ADCY3: variants seen among roughly 807,000 people sequenced by gnomAD.
ADCY3 encodes adenylate cyclase 3.
A neutral mutation model predicts 119.4 loss-of-function variants in ADCY3; 70 were observed. That is an observed-to-expected ratio of 0.59 (90% CI 0.48 to 0.72). ADCY3 has a LOEUF of 0.72. Among genes scored for constraint, ADCY3 ranks in the 30% least tolerant of loss-of-function variants. The pLI is 0.00. For synonymous variants in ADCY3, 672 were observed against 621.4 expected, an observed-to-expected ratio of 1.08 and a Z score of -1.21; for missense variants, 1,238 against 1,541.6, an observed-to-expected ratio of 0.80 and a Z score of 3.30.
At chr2:24,840,801 C>T (rs573434236) in intron 6 of ADCY3, among the ~76,000 whole-genome samples, 3 of 152,070 alleles carry the variant, frequency 2.0e-5, no homozygotes, top group Non-Finnish European at 2.9e-5. Context: ...GCACAGAGGC[C>T]GGGGTGGGAT....
At chr2:24,831,050 C>G (rs1669424700) in intron 12 of ADCY3, among the ~76,000 whole-genome samples, 2 of 152,152 alleles carry the variant, frequency 1.3e-5, no homozygotes, top group African/African-American at 4.8e-5. Flanking sequence ...AACAGCACAG[C>G]CTCCAGGTCG....
At chr2:24,916,146 CT>C (rs905001702) in intron 2 of ADCY3, among the ~76,000 whole-genome samples, 1 of 151,926 alleles carries the variant, frequency 6.6e-6, no homozygotes, top group East Asian at 1.9e-4. Flanking sequence ...TGATTTCTAT[CT>C]TTTTTTTTCT....
chr2:24,900,494 G>C (rs1000166352), intron 2 of ADCY3, among the ~76,000 whole-genome samples: 1 of 152,106 alleles, frequency 6.6e-6, no homozygotes, highest in African/African-American at 2.4e-5. Context: ...ATTTCTACCT[G>C]CAGTGTTTGT....
rs544878187 is a variant in ADCY3, at chr2:24,878,191, G to C, written c.676-5472C>G. Among the ~76,000 whole-genome samples the C allele has an allele frequency of 6.6e-6, 1 of 152,190 alleles. No individual in the cohort carries two copies. The highest frequency in any genetic ancestry group is 2.4e-5 in the African/African-American group (1 of 41,512). On this transcript the variant is annotated intron_variant, in intron 2 of 21. Coordinates refer to ENST00000679454, the MANE Select transcript of ADCY3 (RefSeq NM_004036.5). The surrounding 1 kb of genome is among the most constrained non-coding windows in gnomAD (Gnocchi z 4.0). The stretch of plus-strand genomic sequence containing the variant: ...GCATCTCCCAAATGGATAAACACTT[G>C]GACTAAAGTGTCATCTAACCCATGA...
intron 2 of ADCY3, among the ~76,000 whole-genome samples, chr2:24,882,725 T>TA (rs567619432): frequency 3.3e-5 from 5 of 152,240 alleles, no homozygotes; most frequent in African/African-American, 1.2e-4. Context: ...CTGGAGATTA[T>TA]AAAATTACCT....
At chr2:24,858,780 G>T (rs1673302733) in intron 3 of ADCY3, among the ~76,000 whole-genome samples, 1 of 152,206 alleles carries the variant, frequency 6.6e-6, no homozygotes, top group African/African-American at 2.4e-5. Context: ...CAGCTCAGAG[G>T]CCACACAGCC....
chr2:24,834,611 C>T lies in ADCY3; in HGVS notation c.1841G>A (p.Arg614Gln), dbSNP rs1199007245. 8 of 1,613,988 alleles carry T rather than the reference C, an allele frequency of 5.0e-6. No individual in the cohort carries two copies. The highest frequency in any genetic ancestry group is 2.2e-5 in the East Asian group (1 of 44,896). ...GGTTTCCATCTCGGGGTCCATGAAC[C>T]GCATGGACAAGAGGAAGGTGTTTCT... ...KKRNTFLLSMRFMDPEMETRY... is the reference protein window; with the variant it reads ...KKRNTFLLSMQFMDPEMETRY... Residue 614 changes from arginine (R) to glutamine (Q), a missense_variant, in exon 11 of 22, where the codon CGG becomes CAG. Around this residue, in one of 7 missense-constraint regions of ADCY3, gnomAD observed 499 missense variants for 571.0 expected, o/e 0.87. Coordinates refer to ENST00000679454, the MANE Select transcript of ADCY3 (RefSeq NM_004036.5). This position sits in a 1 kb window ranked among gnomAD's most constrained non-coding sequence, Gnocchi z 4.2.
chr2:24,821,192 G>C, intron 20 of ADCY3: 1 of 432,774 alleles, frequency 2.3e-6, no homozygotes, highest in Non-Finnish European at 4.2e-6. Flanking sequence ...CAAAGAGCAG[G>C]CCTGTCTGGG....
intron 2 of ADCY3, among the ~76,000 whole-genome samples, chr2:24,901,927 A>T (rs1678947154): frequency 6.6e-6 from 1 of 152,144 alleles, no homozygotes. Context: ...CAAACTATTT[A>T]AAATACATAT....
At position 24,841,625 on chromosome 2, in the gene ADCY3, A is replaced by C; in HGVS notation, c.999T>G (p.Ser333=). Residue 333 remains serine, a synonymous_variant, in exon 5 of 22, where the codon TCT becomes TCG. Coordinates refer to ENST00000679454, the MANE Select transcript of ADCY3 (RefSeq NM_004036.5). The surrounding 1 kb of genome is among the most constrained non-coding windows in gnomAD (Gnocchi z 5.8). ...TCACAAGCTCCTGGGCACTGCAGGC[A>C]GAAGACAGCTGGGTAAAGCCCACGA... ...ADIVGFTQLS[S]ACSAQELVKL... 1 of 1,613,734 alleles carries C rather than the reference A, an allele frequency of 6.2e-7. No homozygotes were observed. Among genetic ancestry groups the C allele is most frequent in the Non-Finnish European group, 8.5e-7 (1 of 1,180,006 alleles).
Position 24,899,310 on chromosome 2 carries a change from T to C in ADCY3, c.675+19003A>G, listed in dbSNP as rs1197863607. ...CTCTTCTGCCCTGTGAGGTGATGAC[T>C]GTATTGATTTTGATGCCTTCTTCAA... is the stretch of plus-strand genomic sequence containing the variant. On this transcript the variant is annotated intron_variant, in intron 2 of 21. Transcript: ENST00000679454. This position sits in a 1 kb window ranked among gnomAD's most constrained non-coding sequence, Gnocchi z 4.5. 6.6e-6 allele frequency among the ~76,000 whole-genome samples: 1 copy of C among 152,246 alleles called. No individual in the cohort carries two copies. The highest frequency in any genetic ancestry group is 2.4e-5 in the African/African-American group (1 of 41,468).
At chr2:24,830,932 C>T in intron 12 of ADCY3, 107 bp from the exon 13 acceptor site, 6 of 855,730 alleles carry the variant, frequency 7.0e-6, no homozygotes, top group Non-Finnish European at 1.1e-5. Context: ...CCAGGAGCCT[C>T]AAAACGGACT....
intron 3 of ADCY3, among the ~76,000 whole-genome samples, chr2:24,871,215 T>C (rs545398378): frequency 7.7e-4 from 117 of 150,980 alleles, no homozygotes; most frequent in African/African-American, 2.8e-3. Context: ...TGAGACAGTA[T>C]TAAAAAAAAA....
intron 2 of ADCY3, among the ~76,000 whole-genome samples, chr2:24,911,444 C>T (rs933219612): frequency 4.6e-5 from 7 of 151,008 alleles, no homozygotes; most frequent in Non-Finnish European, 8.8e-5. Context: ...GTCAGGAGTT[C>T]GAGACCAGCC....
At chr2:24,839,753 G>T in intron 7 of ADCY3, 120 bp downstream of exon 7, 2 of 1,418,302 alleles carry the variant, frequency 1.4e-6, no homozygotes, top group East Asian at 2.3e-5. Flanking sequence ...ATGCTGTTCC[G>T]GGGTTGTAGG....
intron 2 of ADCY3, among the ~76,000 whole-genome samples, chr2:24,913,652 G>A (rs562327405): frequency 1.8e-4 from 27 of 152,270 alleles, no homozygotes; most frequent in African/African-American, 5.5e-4. Context: ...GCTACCTGCC[G>A]TCTGCAGACA....
chr2:24,881,752 T>C (rs945922205), intron 2 of ADCY3, among the ~76,000 whole-genome samples: 1 of 152,158 alleles, frequency 6.6e-6, no homozygotes, highest in Admixed American at 6.5e-5. Flanking sequence ...AAAATGAAGA[T>C]AAACAGAGAA....
intron 3 of ADCY3, among the ~76,000 whole-genome samples, chr2:24,853,977 T>C (rs1329068470): frequency 6.6e-6 from 1 of 152,220 alleles, no homozygotes; most frequent in Non-Finnish European, 1.5e-5. Context: ...ATGATGTGAA[T>C]TCTTGTGATC....
In ADCY3 at chr2:24,824,425, G is replaced by C; in HGVS notation, c.2689C>G (p.Pro897Ala). ...WNEALVTNML[P>A]EHVARHFLGS... The stretch of plus-strand genomic sequence containing the variant: ...AGGAAATGGCGTGCCACGTGCTCAG[G>C]CAACATGTTGGTGACCAAGGCCTCG... Residue 897 changes from proline (P) to alanine (A), a missense_variant, in exon 17 of 22, where the codon CCT becomes GCT. Transcript: ENST00000679454. 6.2e-7 allele frequency: 1 copy of C among 1,614,208 alleles called. No homozygotes were observed. Among genetic ancestry groups the C allele is most frequent in the South Asian group, 1.1e-5 (1 of 91,084 alleles).
Sources: allele counts gnomAD v4.1 joint callset (sites outside exome capture counted in the v4.1 genomes callset), GRCh38; gene constraint gnomAD v4.1.1; regional missense constraint gnomAD v4.1.1; non-coding constraint Gnocchi (gnomAD v3.1); transcripts MANE v1.5; gene names NCBI Gene and HGNC (gene_info 2026-07-23, HGNC 2026-07-21).